The following CDH1 variants were observed in gnomAD, a reference collection of about 807,000 sequenced individuals.
CDH1 encodes the protein cadherin 1, also known as cadherin-1.
A neutral mutation model predicts 84.5 loss-of-function variants in CDH1; 35 were observed. That is an observed-to-expected ratio of 0.41 (90% CI 0.32 to 0.55). The LOEUF is 0.55. CDH1 is among the 20% of genes least tolerant of loss of function. The pLI is 0.19. For synonymous variants in CDH1, 417 were observed against 439.0 expected (o/e 0.95, Z 0.63); for missense variants, 994 against 1,126.6 (o/e 0.88, Z 1.68).
intron 15 of CDH1, 146 bp downstream of exon 15, chr16:68,829,943 CT>C (rs869244167): frequency 7.8e-5 from 48 of 614,848 alleles, no homozygotes; most frequent in South Asian, 3.2e-4. Context: ...TTTCCTTTTT[CT>C]TTTTTTTTCT....
At chr16:68,774,817 GGTT>G (rs1959682762) in intron 2 of CDH1, among the ~76,000 whole-genome samples, 2 of 152,220 alleles carry the variant, frequency 1.3e-5, no homozygotes, top group African/African-American at 4.8e-5. Context: ...CCATTGGTGT[GGTT>G]GTTGTCAGTC....
At chr16:68,753,191 C>T (rs554389865) in intron 2 of CDH1, among the ~76,000 whole-genome samples, 335 of 108,300 alleles carry the variant, frequency 3.1e-3, no homozygotes, top group Middle Eastern at 9.8e-3. Flanking sequence ...CCAGCCTGGG[C>T]GACAAAGCGA....
intron 2 of CDH1, among the ~76,000 whole-genome samples, chr16:68,752,373 C>T (rs1962908187): frequency 6.6e-6 from 1 of 152,226 alleles, no homozygotes; most frequent in Non-Finnish European, 1.5e-5. Context: ...CTCCTGTTCA[C>T]TGCGGGTCTC....
At chr16:68,771,475 C>A (rs1260334921) in intron 2 of CDH1, among the ~76,000 whole-genome samples, 1 of 152,008 alleles carries the variant, frequency 6.6e-6, no homozygotes, top group African/African-American at 2.4e-5. Flanking sequence ...TTTTTGTAGC[C>A]GGGCGCGGTG....
rs773093752 is a variant in CDH1, at chr16:68,813,538, C to G, written c.1320+43C>G. 5.5e-5 allele frequency: 87 copies of G among 1,577,044 alleles called. No homozygotes were observed. The highest frequency in any genetic ancestry group is 5.0e-4 in the Middle Eastern group (3 of 5,996). ...CAAGATGCAGAAACTGGCATCCTCA[C>G]AGCTGTTCATACCCTTGTCCCCTGG... is the stretch of plus-strand genomic sequence containing the variant. On this transcript the variant is annotated intron_variant, in intron 9 of 15. Coordinates refer to ENST00000261769, the MANE Select transcript of CDH1 (RefSeq NM_004360.5).
At chr16:68,781,619 A>G (rs1182563171) in intron 2 of CDH1, among the ~76,000 whole-genome samples, 1 of 152,114 alleles carries the variant, frequency 6.6e-6, no homozygotes, top group Non-Finnish European at 1.5e-5. Context: ...GATAACAGGC[A>G]TGCAACACCA....
In CDH1 at chr16:68,835,009, C is replaced by T. The variant is rs1341592886; in HGVS notation, c.*1510C>T. The T allele has an allele frequency of 4.3e-6, 1 of 232,026 alleles. No homozygotes were observed. Among genetic ancestry groups the T allele is most frequent in the Non-Finnish European group, 8.5e-6 (1 of 117,274 alleles). 14.4% of individuals were successfully genotyped at this position (232,026 alleles called of 1,614,324 possible). A position where few individuals can be genotyped will look rare whatever the true frequency, so the allele number is the denominator to read the frequency against. On this transcript the variant is annotated 3_prime_UTR_variant, in exon 16 of 16. Coordinates refer to ENST00000261769, the MANE Select transcript of CDH1 (RefSeq NM_004360.5). ...TCTGACACAAGATCCGTGGTTTGTA[C>T]TCAAAGCCCAGAATCCCCAAGTGCC... is the stretch of plus-strand genomic sequence containing the variant.
At chr16:68,794,596 T>G (rs1960305492) in intron 2 of CDH1, among the ~76,000 whole-genome samples, 1 of 151,396 alleles carries the variant, frequency 6.6e-6, no homozygotes, top group Non-Finnish European at 1.5e-5. Context: ...CATAGCACAC[T>G]GCAGCCTCCA....
intron 11 of CDH1, 129 bp downstream of exon 11, chr16:68,819,554 G>C: frequency 9.7e-7 from 1 of 1,030,786 alleles, no homozygotes; most frequent in South Asian, 1.4e-5. Flanking sequence ...GGATTGATTT[G>C]TATAAATGTA....
Position 68,834,513 on chromosome 16 carries a change from A to C in CDH1, c.*1014A>C. On this transcript the variant is annotated 3_prime_UTR_variant, in exon 16 of 16. Coordinates refer to ENST00000261769, the MANE Select transcript of CDH1 (RefSeq NM_004360.5). ...ATTGTGGGCATGAGCTGCTGTGCCC[A>C]GCCTCCATGTTTTAATATCAACTCT... 3.7e-6 allele frequency: 1 copy of C among 272,786 alleles called. No individual in the cohort carries two copies. Among genetic ancestry groups the C allele is most frequent in the Non-Finnish European group, 7.1e-6 (1 of 140,534 alleles). The allele number at this position is 272,786 out of a possible 1,614,324, so 16.9% of individuals were successfully genotyped here. A position where few individuals can be genotyped will look rare whatever the true frequency, so the allele number is the denominator to read the frequency against.
intron 11 of CDH1, among the ~76,000 whole-genome samples, chr16:68,821,469 CAA>C (rs58762668): frequency 3.4e-4 from 32 of 92,998 alleles, no homozygotes; most frequent in Admixed American, 1.1e-3. Flanking sequence ...GACTCTGCCT[CAA>C]AAAAAAAAAA....
chr16:68,783,834 G>C (rs571760197), intron 2 of CDH1, among the ~76,000 whole-genome samples: 5 of 151,868 alleles, frequency 3.3e-5, no homozygotes, highest in Non-Finnish European at 7.4e-5. Context: ...CTACCACCAC[G>C]CCTGGCTAAT....
At chr16:68,804,666 T>A (rs1177084128) in intron 3 of CDH1, among the ~76,000 whole-genome samples, 1 of 152,142 alleles carries the variant, frequency 6.6e-6, no homozygotes, top group Admixed American at 6.5e-5. Flanking sequence ...AGATTATGCC[T>A]CAGCTGGTTT....
intron 2 of CDH1, among the ~76,000 whole-genome samples, chr16:68,799,584 T>C (rs1384225828): frequency 2.0e-5 from 3 of 152,162 alleles, no homozygotes; most frequent in Non-Finnish European, 4.4e-5. Context: ...CATGAGGAGA[T>C]AATGAGTCTT....
intron 6 of CDH1, 36 bp from the exon 7 acceptor site, chr16:68,811,648 G>T (rs1480669817): frequency 1.9e-6 from 3 of 1,603,674 alleles, no homozygotes; most frequent in Admixed American, 1.7e-5. Flanking sequence ...CCAAAGTGCA[G>T]CTTGTCTAAA....
intron 10 of CDH1, among the ~76,000 whole-genome samples, chr16:68,818,238 C>T (rs8048904): frequency 0.14 from 17,677 of 123,652 alleles, 2,598 homozygotes; most frequent in African/African-American, 0.43. Context: ...AGACTCTGTC[C>T]CAAAAAAAAA....
intron 2 of CDH1, among the ~76,000 whole-genome samples, chr16:68,760,138 C>A (rs1411424374): frequency 7.6e-6 from 1 of 132,078 alleles, no homozygotes; most frequent in Non-Finnish European, 1.6e-5. Context: ...TTGCTCTTGT[C>A]CCCCAGGCTA....
At chr16:68,763,423 C>G (rs1409543041) in intron 2 of CDH1, 1 of 152,216 alleles carries the variant, frequency 6.6e-6, no homozygotes, top group Non-Finnish European at 1.5e-5. Context: ...TGGCCACAGT[C>G]CATTGGCCCC....
At chr16:68,776,246 C>T (rs1959729037) in intron 2 of CDH1, among the ~76,000 whole-genome samples, 1 of 152,186 alleles carries the variant, frequency 6.6e-6, no homozygotes, top group African/African-American at 2.4e-5. Flanking sequence ...CTTGGCCTCC[C>T]AAAGTGTTGG....
Sources: gnomAD v4.1 joint callset for allele counts (sites outside exome capture counted in the v4.1 genomes callset) on GRCh38, gnomAD v4.1.1 for gene constraint, MANE v1.5 for transcripts, NCBI Gene and HGNC (gene_info 2026-07-23, HGNC 2026-07-21) for gene names.